The following CFAP206 variants were observed in gnomAD, a reference collection of about 807,000 sequenced individuals.
The protein encoded by CFAP206 is cilia- and flagella-associated protein 206.
Under a neutral mutation model 65.4 loss-of-function variants are expected in CFAP206, and 53 were observed. The ratio of observed to expected loss-of-function variants is 0.81; its 90% CI spans 0.65 to 1.02. The LOEUF (loss-of-function observed/expected upper bound fraction) is 1.02, where lower values mean the gene tolerates loss of function less well. CFAP206 is among the 50% of genes least tolerant of loss of function. CFAP206 has a pLI of 0.00. For synonymous variants in CFAP206, 250 were observed against 254.4 expected (o/e 0.98, Z 0.17); for missense variants, 663 against 753.2 (o/e 0.88, Z 1.40).
chr6:87,430,035 G>A (rs1768130182), intron 9 of CFAP206, among the ~76,000 whole-genome samples: 1 of 152,162 alleles, frequency 6.6e-6, no homozygotes, highest in Admixed American at 6.5e-5. Flanking sequence ...AGATTTAGAT[G>A]TGTCATTTTC....
intron 8 of CFAP206, among the ~76,000 whole-genome samples, chr6:87,428,312 A>C (rs1339153551): frequency 6.8e-6 from 1 of 146,488 alleles, no homozygotes; most frequent in Non-Finnish European, 1.5e-5. Context: ...TTCTTAAGAC[A>C]TTTTTCCCTT....
intron 6 of CFAP206, 45 bp from the exon 7 acceptor site, chr6:87,418,163 T>C (rs1767867454): frequency 6.4e-7 from 1 of 1,564,154 alleles, no homozygotes. Flanking sequence ...TCCTTAATTG[T>C]TTTTAGTCTC....
intron 11 of CFAP206, among the ~76,000 whole-genome samples, chr6:87,460,267 A>T (rs1768721943): frequency 6.6e-6 from 1 of 152,254 alleles, no homozygotes; most frequent in Non-Finnish European, 1.5e-5. Context: ...TGGGTTCCCC[A>T]AAAGAAAATC....
chr6:87,457,010 C>T (rs1312407347), intron 11 of CFAP206, among the ~76,000 whole-genome samples: 1 of 151,810 alleles, frequency 6.6e-6, no homozygotes, highest in African/African-American at 2.4e-5. Flanking sequence ...ATTAGCCACG[C>T]GTGGTGGCAG....
At chr6:87,438,851 C>T (rs764405141) in intron 11 of CFAP206, among the ~76,000 whole-genome samples, 1 of 152,170 alleles carries the variant, frequency 6.6e-6, no homozygotes, top group Non-Finnish European at 1.5e-5. Context: ...ACACGATTTA[C>T]TAAATAATGT....
At chr6:87,443,910 A>G (rs1187695049) in intron 11 of CFAP206, among the ~76,000 whole-genome samples, 1 of 152,174 alleles carries the variant, frequency 6.6e-6, no homozygotes, top group Non-Finnish European at 1.5e-5. Context: ...TTTGTTCAGG[A>G]TAATGGCCTC....
intron 7 of CFAP206, 150 bp from the exon 8 acceptor site, chr6:87,426,376 T>C: frequency 2.1e-6 from 1 of 468,508 alleles, no homozygotes; most frequent in Non-Finnish European, 3.8e-6. Flanking sequence ...CTGGTACTGT[T>C]CTAGGTGTTG....
chr6:87,427,384 C>T (rs538768087), intron 8 of CFAP206, among the ~76,000 whole-genome samples: 16 of 152,122 alleles, frequency 1.1e-4, no homozygotes, highest in Admixed American at 2.0e-4. Flanking sequence ...CGTGATCTGC[C>T]CGCCTCGGCC....
chr6:87,418,292 G>T lies in CFAP206; in HGVS notation c.716G>T (p.Arg239Leu), dbSNP rs755228124. Reference protein sequence around the residue: ...QLETARSQVYRYTAILEKAAN... With the variant: ...QLETARSQVYLYTAILEKAAN... ...GAGACTGCCCGGAGCCAGGTATACC[G>T]CTACACAGCCATCCTTGAGAAGGCA... The change falls in exon 7 of 13, where the codon CGC (arginine) becomes CTC (leucine). Residue 239 changes from arginine to leucine, a missense_variant. Arg to Leu is a moderately radical substitution (Grantham distance 102). Transcript: ENST00000369562. 1 of 1,614,058 alleles carries T rather than the reference G, an allele frequency of 6.2e-7. No homozygotes were observed. Among genetic ancestry groups the T allele is most frequent in the Non-Finnish European group, 8.5e-7 (1 of 1,180,016 alleles).
At chr6:87,461,472 T>C (rs1439047075) in intron 12 of CFAP206, among the ~76,000 whole-genome samples, 3 of 152,146 alleles carry the variant, frequency 2.0e-5, no homozygotes, top group Non-Finnish European at 4.4e-5. Flanking sequence ...TTCTTTTTTT[T>C]GTTTGTTTTT....
Position 87,464,281 on chromosome 6 carries a change from T to C in CFAP206, c.*31T>C. ...GACAACGTTTTAAAATAGATGCTACTCAATTATGAACAATAGCAAGTACTT... is the reference window on the plus strand; with the variant it reads ...GACAACGTTTTAAAATAGATGCTACCCAATTATGAACAATAGCAAGTACTT... On this transcript the variant is annotated 3_prime_UTR_variant, in exon 13 of 13. Transcript: ENST00000369562. 6.4e-7 allele frequency: 1 copy of C among 1,555,638 alleles called. No homozygotes were observed. The highest frequency in any genetic ancestry group is 8.8e-7 in the Non-Finnish European group (1 of 1,133,458).
chr6:87,417,251 G>A (rs1767849980), intron 6 of CFAP206, among the ~76,000 whole-genome samples: 1 of 152,062 alleles, frequency 6.6e-6, no homozygotes, highest in Non-Finnish European at 1.5e-5. Flanking sequence ...CTCTAAATTC[G>A]GGGGCATTTA....
At chr6:87,420,568 TC>T (rs1323325408) in intron 7 of CFAP206, among the ~76,000 whole-genome samples, 17 of 152,194 alleles carry the variant, frequency 1.1e-4, no homozygotes, top group Admixed American at 8.5e-4. Context: ...TGCCTTGGTT[TC>T]CGTATCTGTA....
intron 12 of CFAP206, 115 bp downstream of exon 12, chr6:87,461,280 T>A: frequency 1.6e-6 from 1 of 627,350 alleles, no homozygotes; most frequent in Non-Finnish European, 2.4e-6. Context: ...TATACAGAGT[T>A]CTTTGCTAAC....
Position 87,464,017 on chromosome 6 carries a change from T to C in CFAP206, c.1639-3T>C, listed in dbSNP as rs16879376. The C allele has an allele frequency of 1.3e-3, 2,135 of 1,605,992 alleles. 31 individuals are homozygous for C. In the African/African-American group the frequency reaches 0.025, roughly 19 times the overall value. Reference sequence around the variant, plus strand: ...TTAATTCCTGTATTCTCTTTCTCTTTAGGCTAATTTGCGCCAGAAAGTTAC... The same window carrying C: ...TTAATTCCTGTATTCTCTTTCTCTTCAGGCTAATTTGCGCCAGAAAGTTAC... On this transcript the variant is annotated splice_polypyrimidine_tract_variant and splice_region_variant and intron_variant, in intron 12 of 12. Coordinates refer to ENST00000369562, the MANE Select transcript of CFAP206 (RefSeq NM_001031743.3).
In CFAP206 at chr6:87,435,013, A is replaced by G. The variant is rs1436484964; in HGVS notation, c.1454A>G (p.Glu485Gly). 1.2e-6 allele frequency: 2 copies of G among 1,607,330 alleles called. No homozygotes were observed. The highest frequency in any genetic ancestry group is 4.5e-5 in the East Asian group (2 of 44,718). ...KKNTELIQLLELHQQFETFIP... is the reference protein window; with the variant it reads ...KKNTELIQLLGLHQQFETFIP... ...AATACAGAGTTAATTCAACTATTGG[A>G]ACTTCATCAACAGTTTGAAACATTT... Residue 485 changes from glutamate to glycine, a missense_variant, in exon 11 of 13, where the codon GAA (glutamate) becomes GGA (glycine). By Grantham distance (98) the Glu-to-Gly change is moderately conservative (BLOSUM62 -2). Transcript: ENST00000369562.
In CFAP206 at chr6:87,410,940, C is replaced by A. The variant is rs114435714; in HGVS notation, c.192+272C>A. Among the ~76,000 whole-genome samples the A allele has an allele frequency of 6.0e-3, 918 of 152,280 alleles. 12 individuals carry two copies. Among genetic ancestry groups the A allele is most frequent in the African/African-American group, 0.021 (882 of 41,562 alleles). On this transcript the variant is annotated intron_variant, in intron 3 of 12. Coordinates refer to ENST00000369562, the MANE Select transcript of CFAP206 (RefSeq NM_001031743.3). ...AGAAAGAAGGGGGAAAGACAAAGGGCAAAATATGTGTGCCAATTGGGTCTA... is the reference window on the plus strand; with the variant it reads ...AGAAAGAAGGGGGAAAGACAAAGGGAAAAATATGTGTGCCAATTGGGTCTA...
chr6:87,429,055 G>A (rs1244199929), intron 9 of CFAP206, among the ~76,000 whole-genome samples: 5 of 151,952 alleles, frequency 3.3e-5, no homozygotes, highest in Non-Finnish European at 5.9e-5. Flanking sequence ...GCAAAACTCC[G>A]TCTCTACTAA....
intron 10 of CFAP206, among the ~76,000 whole-genome samples, chr6:87,434,099 C>CAA (rs34579488): frequency 1.4e-4 from 20 of 142,324 alleles, no homozygotes; most frequent in Admixed American, 8.4e-4. Flanking sequence ...GACTTCGTCT[C>CAA]AAAAAAAAAA....
Sources: gnomAD v4.1 joint callset for allele counts (sites outside exome capture counted in the v4.1 genomes callset) on GRCh38, gnomAD v4.1.1 for gene constraint, MANE v1.5 for transcripts, NCBI Gene and HGNC (gene_info 2026-07-23, HGNC 2026-07-21) for gene names.